HHAT: variants seen among roughly 807,000 people sequenced by gnomAD.
The protein encoded by HHAT is hedgehog acyltransferase, also known as protein-cysteine N-palmitoyltransferase HHAT.
HHAT carries 47 observed loss-of-function variants against 70.8 expected under a neutral mutation model. The ratio of observed to expected loss-of-function variants is 0.66; its 90% CI spans 0.53 to 0.85. The LOEUF is 0.85. Among genes scored for constraint, HHAT ranks in the 40% least tolerant of loss-of-function variants. The probability of loss-of-function intolerance (pLI) is 0.00; values close to 1 mark genes in which losing one functional copy is unlikely to be tolerated. For missense variants in HHAT, 609 were observed against 604.8 expected (o/e 1.01, Z -0.07); for synonymous variants, 228 against 247.6 (o/e 0.92, Z 0.74).
chr1:210,614,253 T>G (rs1415950951), intron 10 of HHAT, among the ~76,000 whole-genome samples: 4 of 152,126 alleles, frequency 2.6e-5, no homozygotes, highest in Non-Finnish European at 4.4e-5. Context: ...AACTGTTTTT[T>G]TGCACATTGA....
At position 210,581,270 on chromosome 1, in the gene HHAT, A is replaced by G. The variant is rs74158916; in HGVS notation, c.1044-6628A>G. ...GATTGTGAAAACTTTTTATAAGTAG[A>G]TATGTAGCTTCCTTTCTGAGAACTA... On this transcript the variant is annotated intron_variant, in intron 9 of 11. Transcript: ENST00000261458. 1.2e-3 allele frequency among the ~76,000 whole-genome samples: 187 copies of G among 152,320 alleles called. 1 individual carries two copies. Among genetic ancestry groups the G allele is most frequent in the African/African-American group, 3.7e-3 (152 of 41,572 alleles).
chr1:210,440,138 A>G (rs550646542), intron 7 of HHAT, among the ~76,000 whole-genome samples: 3 of 151,818 alleles, frequency 2.0e-5, no homozygotes, highest in African/African-American at 7.3e-5. Context: ...CTCATTCTTT[A>G]CGCTCTGCTT....
chr1:210,415,620 A>C (rs542446877), intron 6 of HHAT, among the ~76,000 whole-genome samples: 1 of 152,208 alleles, frequency 6.6e-6, no homozygotes, highest in South Asian at 2.1e-4. Context: ...AAGTGACCTG[A>C]GGGAAACAAA....
intron 2 of HHAT, among the ~76,000 whole-genome samples, chr1:210,352,820 A>C (rs554035938): frequency 1.3e-5 from 2 of 152,116 alleles, no homozygotes; most frequent in Non-Finnish European, 2.9e-5. Context: ...GTGATCCGCT[A>C]TGCTGGCTGA....
At chr1:210,396,063 G>T (rs2091766608) in intron 4 of HHAT, among the ~76,000 whole-genome samples, 2 of 151,802 alleles carry the variant, frequency 1.3e-5, no homozygotes, top group Admixed American at 6.6e-5. Context: ...AAGGATGCCT[G>T]CTTAAGTCAA....
intron 9 of HHAT, among the ~76,000 whole-genome samples, chr1:210,560,713 G>T (rs2095613509): frequency 6.7e-6 from 1 of 149,648 alleles, no homozygotes; most frequent in Non-Finnish European, 1.5e-5. Flanking sequence ...GAATGCTGAG[G>T]CAAGAGGATG....
At chr1:210,523,875 T>C (rs1419905457) in intron 9 of HHAT, among the ~76,000 whole-genome samples, 1 of 152,242 alleles carries the variant, frequency 6.6e-6, no homozygotes, top group African/African-American at 2.4e-5. Context: ...AGTAACAAGA[T>C]AGACAATGTT....
intron 10 of HHAT, among the ~76,000 whole-genome samples, chr1:210,596,491 C>G (rs1203916760): frequency 6.6e-6 from 1 of 151,954 alleles, no homozygotes; most frequent in East Asian, 1.9e-4. Context: ...TTTTCTAGAT[C>G]TTATAGGCAT....
At chr1:210,361,812 A>T (rs2088350416) in intron 2 of HHAT, among the ~76,000 whole-genome samples, 1 of 152,028 alleles carries the variant, frequency 6.6e-6, no homozygotes, top group Non-Finnish European at 1.5e-5. Flanking sequence ...GTAAGTCTTT[A>T]TCTCCAGCTT....
chr1:210,615,093 T>G (rs1667409085), intron 10 of HHAT, among the ~76,000 whole-genome samples: 1 of 152,246 alleles, frequency 6.6e-6, no homozygotes, highest in Non-Finnish European at 1.5e-5. Context: ...GACTTTTTAA[T>G]GATCGCCATT....
rs541795412 is a variant in HHAT, at chr1:210,336,287, A to ATTTTTTTTTTTTTTTTTTTTTTTTT, written c.-44+7206_-44+7207insTTTTTTTTTTTTTTTTTTTTTTTTT. Among the ~76,000 whole-genome samples the ATTTTTTTTTTTTTTTTTTTTTTTTT allele has an allele frequency of 6.3e-4, 53 of 84,596 alleles. 4 individuals are homozygous for ATTTTTTTTTTTTTTTTTTTTTTTTT. The highest frequency in any genetic ancestry group is 1.7e-3 in the Admixed American group (13 of 7,718). The allele number at this position is 84,596 out of a possible 152,430, so 55.5% of individuals were successfully genotyped here. A position where few individuals can be genotyped will look rare whatever the true frequency, so the allele number is the denominator to read the frequency against. ...AGGCATGCACCACTGTGCCTGGCTA[A>ATTTTTTTTTTTTTTTTTTTTTTTTT]TTTTTTTTTTTTTTTTTTTTTTTAG... On this transcript the variant is annotated intron_variant, in intron 1 of 11. Transcript: ENST00000261458.
rs751815118 is a variant in HHAT, at chr1:210,674,340, C to T, written c.1443C>T (p.His481=). Residue 481 remains histidine (H), a synonymous_variant, in exon 12 of 12, where the codon CAC becomes CAT. Transcript: ENST00000261458. ...SVLGFLYCYS[H]VGIAWAQTYA... Reference sequence around the variant, plus strand: ...TGGGATTCCTGTACTGCTACTCCCACGTGGGCATTGCCTGGGCCCAGACCT... The same window carrying T: ...TGGGATTCCTGTACTGCTACTCCCATGTGGGCATTGCCTGGGCCCAGACCT... The T allele has an allele frequency of 5.0e-6, 8 of 1,614,214 alleles. No homozygotes were observed. Among genetic ancestry groups the T allele is most frequent in the Middle Eastern group, 1.6e-4 (1 of 6,062 alleles).
intron 10 of HHAT, among the ~76,000 whole-genome samples, chr1:210,617,774 TTC>T (rs1331792333): frequency 6.6e-6 from 1 of 152,232 alleles, no homozygotes; most frequent in Non-Finnish European, 1.5e-5. Context: ...AGGTATTTGA[TTC>T]TCTCTCAGGA....
intron 3 of HHAT, among the ~76,000 whole-genome samples, chr1:210,379,437 G>A (rs548781214): frequency 2.6e-5 from 4 of 152,180 alleles, no homozygotes; most frequent in South Asian, 2.1e-4. Flanking sequence ...TGAGTTAATC[G>A]GCAGTACCTG....
At chr1:210,461,806 CTATT>C (rs1432230790) in intron 7 of HHAT, among the ~76,000 whole-genome samples, 1 of 151,868 alleles carries the variant, frequency 6.6e-6, no homozygotes, top group East Asian at 1.9e-4. Flanking sequence ...GAAAAAAAAT[CTATT>C]TAAGCCTTTC....
At chr1:210,601,144 G>A (rs1460441271) in intron 10 of HHAT, among the ~76,000 whole-genome samples, 1 of 151,886 alleles carries the variant, frequency 6.6e-6, no homozygotes, top group African/African-American at 2.4e-5. Flanking sequence ...CAATGTATTG[G>A]CCATGTTGAT....
rs901559177 is a variant in HHAT, at chr1:210,675,988, G to C, written c.*1609G>C. The C allele has an allele frequency of 2.6e-5, 4 of 152,172 alleles. No homozygotes were observed. The highest frequency in any genetic ancestry group is 9.7e-5 in the African/African-American group (4 of 41,436). The allele number at this position is 152,172 out of a possible 1,614,324, so 9.4% of individuals were successfully genotyped here. A position where few individuals can be genotyped will look rare whatever the true frequency, so the allele number is the denominator to read the frequency against. The stretch of plus-strand genomic sequence containing the variant: ...ACCTTCATGGACCAACAGTGATTGA[G>C]GATTTGTGGGCAGCCAGAGGGAGTC... On this transcript the variant is annotated 3_prime_UTR_variant, in exon 12 of 12. Coordinates refer to ENST00000261458, the MANE Select transcript of HHAT (RefSeq NM_018194.6).
chr1:210,641,598 A>G (rs1042117608), intron 11 of HHAT, among the ~76,000 whole-genome samples: 1 of 152,242 alleles, frequency 6.6e-6, no homozygotes, highest in South Asian at 2.1e-4. Flanking sequence ...GCAAATTTCC[A>G]TTATGATTGA....
At chr1:210,408,037 C>A (rs76248746) in intron 6 of HHAT, among the ~76,000 whole-genome samples, 3,619 of 152,180 alleles carry the variant, frequency 0.024, 161 homozygotes, top group African/African-American at 0.083. Flanking sequence ...AGAGTGCTTG[C>A]TGAGTTACTT....
Sources: allele counts gnomAD v4.1 joint callset (sites outside exome capture counted in the v4.1 genomes callset), GRCh38; gene constraint gnomAD v4.1.1; transcripts MANE v1.5; gene names NCBI Gene and HGNC (gene_info 2026-07-23, HGNC 2026-07-21).